ESR1: variants seen among roughly 807,000 people sequenced by gnomAD.
ESR1 encodes estrogen receptor 1, also known as estrogen receptor.
In ESR1, 12 loss-of-function variants were observed where a neutral mutation model predicts 52.7. The ratio of observed to expected loss-of-function variants is 0.23; its 90% CI spans 0.15 to 0.37. ESR1 has a LOEUF of 0.37. Among genes scored for constraint, ESR1 ranks in the 10% least tolerant of loss-of-function variants. The probability of loss-of-function intolerance (pLI) is 1.00; values close to 1 mark genes in which losing one functional copy is unlikely to be tolerated. For synonymous variants in ESR1, 305 were observed against 316.8 expected (o/e 0.96, Z 0.39); for missense variants, 584 against 779.7 (o/e 0.75, Z 2.99).
At chr6:152,063,415 G>A (rs1035546516) in intron 6 of ESR1, among the ~76,000 whole-genome samples, 13 of 152,110 alleles carry the variant, frequency 8.5e-5, no homozygotes, top group African/African-American at 2.7e-4. Context: ...TGTACAAAGC[G>A]AAACCACTCT....
At chr6:151,951,807 T>C (rs1049995778) in intron 4 of ESR1, among the ~76,000 whole-genome samples, 5 of 152,230 alleles carry the variant, frequency 3.3e-5, no homozygotes, top group African/African-American at 1.2e-4. Flanking sequence ...CTAGCCGTTT[T>C]CCTCTTTGTC....
intron 1 of ESR1, among the ~76,000 whole-genome samples, chr6:151,678,428 G>A (rs1778330159): frequency 1.3e-5 from 2 of 151,246 alleles, no homozygotes; most frequent in Non-Finnish European, 2.9e-5. Flanking sequence ...AACCGAGATT[G>A]TGCCACTGCA....
intron 1 of ESR1, among the ~76,000 whole-genome samples, chr6:151,828,422 A>G (rs1214815516): frequency 6.6e-6 from 1 of 152,172 alleles, no homozygotes; most frequent in African/African-American, 2.4e-5. Flanking sequence ...AGCTGAGTCA[A>G]TATGATGAAG....
chr6:151,678,937 G>A (rs1367452421), intron 1 of ESR1, among the ~76,000 whole-genome samples: 2 of 151,934 alleles, frequency 1.3e-5, no homozygotes, highest in African/African-American at 2.4e-5. Flanking sequence ...CACCCGCCTC[G>A]GCCTCCCAAA....
rs539612224 is a variant in ESR1, at chr6:152,120,053, T to C, written c.851-5213T>C. Among the ~76,000 whole-genome samples, 4 of 152,386 alleles carry C rather than the reference T, an allele frequency of 2.6e-5. No homozygotes were observed. In the East Asian group the frequency reaches 7.7e-4, roughly 29 times the overall value. ...GAATGTATGCTAAGATTTTTCTTAA[T>C]TGAAACCAAATGTTTTTCTCAGCAA... On this transcript the variant is annotated intron_variant, in intron 6 of 6. Transcript: ENST00000427531.
intron 4 of ESR1, among the ~76,000 whole-genome samples, chr6:151,956,879 TAA>T (rs142377365): frequency 7.8e-4 from 25 of 32,018 alleles, no homozygotes; most frequent in Non-Finnish European, 2.2e-3. Context: ...TATATATATA[TAA>T]AATTTTTTTT....
At chr6:152,060,795 G>A (rs1329485904) in intron 5 of ESR1, among the ~76,000 whole-genome samples, 196 bp from the exon 6 acceptor site, 3 of 152,068 alleles carry the variant, frequency 2.0e-5, no homozygotes, top group Non-Finnish European at 2.9e-5. Flanking sequence ...TTTTATTGAT[G>A]GGAAATTATT....
chr6:152,041,426 T>C (rs2092704), intron 5 of ESR1, among the ~76,000 whole-genome samples: 64,193 of 152,130 alleles, frequency 0.42, 14,972 homozygotes, highest in African/African-American at 0.61. Flanking sequence ...CAAATAGGCC[T>C]GCTAGGCATT....
At chr6:151,773,675 A>G (rs1190815283) in intron 2 of ESR1, among the ~76,000 whole-genome samples, 1 of 152,162 alleles carries the variant, frequency 6.6e-6, no homozygotes, top group African/African-American at 2.4e-5. Context: ...TTCTTACTCC[A>G]AGGATCTCTG....
chr6:152,085,377 C>T (rs965036011), intron 6 of ESR1, among the ~76,000 whole-genome samples: 2 of 151,724 alleles, frequency 1.3e-5, no homozygotes, highest in Non-Finnish European at 1.5e-5. Flanking sequence ...CTGGTTACTG[C>T]TGCTGACTGC....
intron 5 of ESR1, among the ~76,000 whole-genome samples, chr6:152,039,000 T>C (rs2045561426): frequency 6.6e-6 from 1 of 152,162 alleles, no homozygotes; most frequent in South Asian, 2.1e-4. Flanking sequence ...GAAGATATTG[T>C]CTTAGTACAA....
rs1585261197 is a variant in ESR1, at chr6:152,100,445, G to C, written c.*1479G>C. ...CCCGTTCCCTACCGCCTCCACTCCT[G>C]CCAGCTCATTTCCTTCAATTTCCTT... is the stretch of plus-strand genomic sequence containing the variant. On this transcript the variant is annotated 3_prime_UTR_variant, in exon 8 of 8. Transcript: ENST00000206249. 1 of 261,142 alleles carries C rather than the reference G, an allele frequency of 3.8e-6. No homozygotes were observed. Among genetic ancestry groups the C allele is most frequent in the South Asian group, 1.7e-4 (1 of 5,768 alleles). 16.2% of individuals were successfully genotyped at this position (261,142 alleles called of 1,614,324 possible).
rs1355475692 is a variant in ESR1, at chr6:152,101,082, A to G, written c.*2116A>G. The G allele has an allele frequency of 4.5e-6, 1 of 222,142 alleles. No individual in the cohort carries two copies. Among genetic ancestry groups the G allele is most frequent in the Non-Finnish European group, 8.7e-6 (1 of 114,478 alleles). 13.8% of individuals were successfully genotyped at this position (222,142 alleles called of 1,614,324 possible). A position where few individuals can be genotyped will look rare whatever the true frequency, so the allele number is the denominator to read the frequency against. ...CTTTTCAAGCTACCTTGTCATGTAT[A>G]CAGTCATTTATGCCTAAAGCCTGGT... On this transcript the variant is annotated 3_prime_UTR_variant, in exon 8 of 8. Coordinates refer to ENST00000206249, the MANE Select transcript of ESR1 (RefSeq NM_000125.4).
chr6:152,008,020 C>G (rs2042466721), intron 4 of ESR1, among the ~76,000 whole-genome samples: 1 of 151,960 alleles, frequency 6.6e-6, no homozygotes, highest in South Asian at 2.1e-4. Context: ...ATAGTTGGCC[C>G]AATATAATTT....
chr6:151,875,433 T>C (rs560598102), intron 2 of ESR1, among the ~76,000 whole-genome samples: 8 of 152,298 alleles, frequency 5.3e-5, no homozygotes, highest in African/African-American at 1.9e-4. Context: ...CATCTCAGTA[T>C]TGTTCAGATA....
At chr6:151,865,301 C>T (rs1359757048) in intron 2 of ESR1, among the ~76,000 whole-genome samples, 2 of 152,108 alleles carry the variant, frequency 1.3e-5, no homozygotes, top group Non-Finnish European at 2.9e-5. Context: ...ATATTGGTCT[C>T]ACTCATTCAT....
intron 2 of ESR1, among the ~76,000 whole-genome samples, chr6:151,874,741 C>T (rs1791533067): frequency 6.6e-6 from 1 of 152,142 alleles, no homozygotes; most frequent in South Asian, 2.1e-4. Context: ...CTTGTTAATA[C>T]TTCATTTATA....
At chr6:151,897,391 A>T (rs545043658) in intron 3 of ESR1, among the ~76,000 whole-genome samples, 17 of 152,066 alleles carry the variant, frequency 1.1e-4, no homozygotes, top group Non-Finnish European at 2.1e-4. Flanking sequence ...ATTTAGGATT[A>T]TGGTATTTTC....
chr6:152,048,239 G>C (rs528341293), intron 5 of ESR1, among the ~76,000 whole-genome samples: 25 of 151,656 alleles, frequency 1.6e-4, no homozygotes, highest in Non-Finnish European at 3.5e-4. Context: ...AGGCGTGGTG[G>C]CATGTGCCTG....
Sources: gnomAD v4.1 joint callset for allele counts (sites outside exome capture counted in the v4.1 genomes callset) on GRCh38, gnomAD v4.1.1 for gene constraint, MANE v1.5 for transcripts, NCBI Gene and HGNC (gene_info 2026-07-23, HGNC 2026-07-21) for gene names.